Variants in WWC1 observed in about 807,000 individuals in gnomAD.
WWC1 encodes protein KIBRA.
Under a neutral mutation model 138.4 loss-of-function variants are expected in WWC1, and 55 were observed. The ratio of observed to expected loss-of-function variants is 0.40; its 90% CI spans 0.32 to 0.50. WWC1 has a LOEUF of 0.50. WWC1 is among the 20% of genes least tolerant of loss of function. The probability of loss-of-function intolerance (pLI) is 0.72; values close to 1 mark genes in which losing one functional copy is unlikely to be tolerated. For synonymous variants in WWC1, 524 were observed against 564.9 expected, an observed-to-expected ratio of 0.93 and a Z score of 1.03; for missense variants, 1,226 against 1,420.4, an observed-to-expected ratio of 0.86 and a Z score of 2.20.
At chr5:168,443,977 A>T (rs1316686034) in intron 16 of WWC1, among the ~76,000 whole-genome samples, 1 of 152,172 alleles carries the variant, frequency 6.6e-6, no homozygotes, top group African/African-American at 2.4e-5. Context: ...AGTTTAAATA[A>T]TTTCCTCAAG....
chr5:168,409,784 G>T (rs1002841826), intron 7 of WWC1, 138 bp from the exon 8 acceptor site: 2 of 822,296 alleles, frequency 2.4e-6, no homozygotes, highest in Admixed American at 3.9e-5. Context: ...CCTGCGATCT[G>T]CACCGCCAGC....
In WWC1 at chr5:168,428,790, A is replaced by G; in HGVS notation, c.2000+3A>G. 2 of 1,613,654 alleles carry G rather than the reference A, an allele frequency of 1.2e-6. No homozygotes were observed. Among genetic ancestry groups the G allele is most frequent in the Non-Finnish European group, 1.7e-6 (2 of 1,179,726 alleles). On this transcript the variant is annotated splice_donor_region_variant and intron_variant, in intron 13 of 22. Transcript: ENST00000265293. ...ACCCGAATTCAGATTGCCCTGAAGT[A>G]AGTGACGAGGACGAGGAGGACAGAA...
At chr5:168,456,275 G>A (rs1756307171) in intron 19 of WWC1, among the ~76,000 whole-genome samples, 1 of 152,106 alleles carries the variant, frequency 6.6e-6, no homozygotes, top group East Asian at 1.9e-4. Flanking sequence ...CAGCACTCCA[G>A]CCTGGGCAAC....
intron 1 of WWC1, among the ~76,000 whole-genome samples, chr5:168,316,225 TCAAA>T (rs1771580239): frequency 2.0e-5 from 3 of 152,132 alleles, no homozygotes; most frequent in Non-Finnish European, 2.9e-5. Flanking sequence ...CCAACAGAAA[TCAAA>T]CAAAGATACC....
chr5:168,452,575 T>C (rs1321832204), intron 17 of WWC1, among the ~76,000 whole-genome samples: 1 of 152,220 alleles, frequency 6.6e-6, no homozygotes, highest in African/African-American at 2.4e-5. Flanking sequence ...CTGCCAGAAA[T>C]CAGTTTCTGT....
intron 2 of WWC1, among the ~76,000 whole-genome samples, chr5:168,376,466 A>G (rs944584557): frequency 6.6e-6 from 1 of 152,206 alleles, no homozygotes; most frequent in African/African-American, 2.4e-5. Context: ...AAGATACCCA[A>G]ATAGGAAAAG....
chr5:168,407,758 G>A lies in WWC1; in HGVS notation c.721-749G>A, dbSNP rs550835545. On this transcript the variant is annotated intron_variant, in intron 6 of 22. Transcript: ENST00000265293. ...ATTGTCAGGATTCAGTAAGACTCTG[G>A]TAAAGCTGACAGTTACTGAGTATGG... Among the ~76,000 whole-genome samples the A allele has an allele frequency of 5.3e-5, 8 of 152,210 alleles. No homozygotes were observed. In the South Asian group the frequency reaches 1.7e-3, roughly 32 times the overall value.
At chr5:168,360,717 G>A (rs950671715) in intron 1 of WWC1, among the ~76,000 whole-genome samples, 5 of 152,244 alleles carry the variant, frequency 3.3e-5, no homozygotes, top group Non-Finnish European at 7.3e-5. Flanking sequence ...TTCTTCCAGT[G>A]CTCTGTCTAA....
At chr5:168,411,374 G>A (rs937213612) in intron 8 of WWC1, among the ~76,000 whole-genome samples, 1 of 152,222 alleles carries the variant, frequency 6.6e-6, no homozygotes, top group Non-Finnish European at 1.5e-5. Context: ...CAGGCCAGGT[G>A]AAGCATGGCA....
intron 6 of WWC1, 139 bp from the exon 7 acceptor site, chr5:168,408,368 C>T (rs547090789): frequency 4.9e-5 from 49 of 1,002,176 alleles, no homozygotes; most frequent in Non-Finnish European, 6.9e-5. Flanking sequence ...AGCTCTCTAT[C>T]ACAGGATCAG....
intron 1 of WWC1, among the ~76,000 whole-genome samples, chr5:168,349,023 G>A (rs1457211664): frequency 1.3e-5 from 2 of 152,128 alleles, no homozygotes; most frequent in African/African-American, 4.8e-5. Context: ...TACATAGGAG[G>A]AAACTGAGGC....
intron 3 of WWC1, among the ~76,000 whole-genome samples, chr5:168,388,114 G>A (rs1309819283): frequency 2.0e-5 from 3 of 152,100 alleles, no homozygotes; most frequent in Non-Finnish European, 4.4e-5. Flanking sequence ...ACCACTTTAC[G>A]TAGTGGTAAA....
intron 19 of WWC1, among the ~76,000 whole-genome samples, chr5:168,457,539 T>C (rs1375138199): frequency 6.6e-6 from 1 of 152,068 alleles, no homozygotes; most frequent in East Asian, 1.9e-4. Context: ...GCAATGGAAA[T>C]GGACAGTGAG....
chr5:168,352,914 TACC>T (rs1775097371), intron 1 of WWC1, among the ~76,000 whole-genome samples: 1 of 152,144 alleles, frequency 6.6e-6, no homozygotes. Context: ...TACAAAATAG[TACC>T]ATCTCACAAG....
chr5:168,462,104 A>C (rs924702939), intron 20 of WWC1, among the ~76,000 whole-genome samples: 2 of 151,884 alleles, frequency 1.3e-5, no homozygotes, highest in Non-Finnish European at 2.9e-5. Context: ...GCAAAAGAGA[A>C]CATGGATGGA....
At chr5:168,455,159 C>T (rs908310701) in intron 18 of WWC1, among the ~76,000 whole-genome samples, 197 bp from the exon 19 acceptor site, 7 of 152,130 alleles carry the variant, frequency 4.6e-5, no homozygotes, top group African/African-American at 1.4e-4. Flanking sequence ...GGGTAGGGGT[C>T]GGCACACCTA....
rs181293316 is a variant in WWC1, at chr5:168,415,431, A to T, written c.1184+841A>T. On this transcript the variant is annotated intron_variant, in intron 9 of 22. Coordinates refer to ENST00000265293, the MANE Select transcript of WWC1 (RefSeq NM_015238.3). The stretch of plus-strand genomic sequence containing the variant: ...CACCGGTTTACATTCTTTAATTTAG[A>T]CCTTATTATAGACATTGTCTTTGTT... 4 of 152,166 alleles carry T rather than the reference A, an allele frequency of 2.6e-5. No individual in the cohort carries two copies. In the East Asian group the frequency reaches 7.7e-4, roughly 29 times the overall value. 9.4% of individuals were successfully genotyped at this position (152,166 alleles called of 1,614,324 possible).
Position 168,352,003 on chromosome 5 carries a change from C to T in WWC1, c.120-19421C>T, listed in dbSNP as rs193109449. Reference sequence around the variant, plus strand: ...TGGTAGAAGCAGCAGATTCCGATCTCAGAGCTGCCCTTTGCTAGCTGTAGG... The same window carrying T: ...TGGTAGAAGCAGCAGATTCCGATCTTAGAGCTGCCCTTTGCTAGCTGTAGG... On this transcript the variant is annotated intron_variant, in intron 1 of 22. Coordinates refer to ENST00000265293, the MANE Select transcript of WWC1 (RefSeq NM_015238.3). Among the ~76,000 whole-genome samples the T allele has an allele frequency of 5.3e-4, 80 of 152,318 alleles. No individual in the cohort carries two copies. In the East Asian group the frequency reaches 7.2e-3, roughly 14 times the overall value.
At chr5:168,415,811 G>GCGT (rs1780580780) in intron 9 of WWC1, 1 of 32,794 alleles carries the variant, frequency 3.0e-5, no homozygotes, top group Admixed American at 3.3e-4. Flanking sequence ...GGGGGGGGGG[G>GCGT]GGGCGTGTGT....
Sources: gnomAD v4.1 joint callset for allele counts (sites outside exome capture counted in the v4.1 genomes callset) on GRCh38, gnomAD v4.1.1 for gene constraint, MANE v1.5 for transcripts, NCBI Gene and HGNC (gene_info 2026-07-23, HGNC 2026-07-21) for gene names.